Variants in MRPL19 observed in about 807,000 individuals in gnomAD.
MRPL19 encodes the protein large ribosomal subunit protein bL19m.
Under a neutral mutation model 34.0 loss-of-function variants are expected in MRPL19, and 31 were observed. The ratio of observed to expected loss-of-function variants is 0.91; its 90% confidence interval spans 0.68 to 1.23. The LOEUF is 1.23. MRPL19 is among the 50% of genes most tolerant of loss of function. The pLI is 0.00. For synonymous variants in MRPL19, 152 were observed against 127.7 expected (o/e 1.19, Z -1.28); for missense variants, 384 against 367.6 (o/e 1.04, Z -0.37).
rs59188431 is a variant in MRPL19, at chr2:75,658,897, G to A, written c.*3612G>A. ...CTTTTTCTATGTGTTCCATGTATTT[G>A]TGTCTTTGGAGCTATAGTCTCTTGT... On this transcript the variant is annotated 3_prime_UTR_variant, in exon 6 of 6. Transcript: ENST00000393909. Among the ~76,000 whole-genome samples the A allele has an allele frequency of 0.033, 4,958 of 151,808 alleles. 277 individuals carry two copies. Among genetic ancestry groups the A allele is most frequent in the African/African-American group, 0.11 (4,662 of 41,372 alleles).
chr2:75,654,361 C>T (rs1412411003), intron 4 of MRPL19, among the ~76,000 whole-genome samples: 1 of 152,152 alleles, frequency 6.6e-6, no homozygotes, highest in Non-Finnish European at 1.5e-5. Flanking sequence ...AGTCTTATTA[C>T]TCTTAACATG....
intron 4 of MRPL19, among the ~76,000 whole-genome samples, chr2:75,653,235 G>A (rs1372783071): frequency 6.6e-6 from 1 of 152,186 alleles, no homozygotes; most frequent in Non-Finnish European, 1.5e-5. Flanking sequence ...GCTTCATGAA[G>A]TTCCAACAAC....
intron 1 of MRPL19, 60 bp downstream of exon 1, chr2:75,646,970 A>T: frequency 2.0e-6 from 3 of 1,496,576 alleles, no homozygotes; most frequent in Non-Finnish European, 2.7e-6. Flanking sequence ...AGGATGGGGG[A>T]GGCGAACCTG....
intron 2 of MRPL19, among the ~76,000 whole-genome samples, chr2:75,648,145 AT>A (rs958988057): frequency 5.9e-5 from 9 of 152,156 alleles, no homozygotes; most frequent in African/African-American, 2.2e-4. Context: ...ATATTTCTTC[AT>A]AAAACTTTGC....
Position 75,655,226 on chromosome 2 carries a change from G to T in MRPL19, c.820G>T (p.Asp274Tyr). Residue 274 changes from aspartate to tyrosine, a missense_variant, in exon 6 of 6, where the codon GAT (aspartate) becomes TAT (tyrosine). Coordinates refer to ENST00000393909, the MANE Select transcript of MRPL19 (RefSeq NM_014763.4). ...TGAATTTGATATGATGAGGGAATAT[G>T]ATACTTCAAAAATTGAAGCTGCAAT... ...WLEFDMMREY[D>Y]TSKIEAAIWK... The T allele has an allele frequency of 6.2e-7, 1 of 1,613,276 alleles. No homozygotes were observed. Among genetic ancestry groups the T allele is most frequent in the Non-Finnish European group, 8.5e-7 (1 of 1,179,710 alleles).
chr2:75,647,458 A>G (rs1008858923), intron 2 of MRPL19: 2 of 515,504 alleles, frequency 3.9e-6, no homozygotes, highest in Non-Finnish European at 6.8e-6. Context: ...CCCATATTTT[A>G]AACTCTTTTC....
chr2:75,651,303 T>C (rs771165788), intron 2 of MRPL19: 98 of 518,988 alleles, frequency 1.9e-4, no homozygotes, highest in Middle Eastern at 3.8e-4. Flanking sequence ...TGTCTCTGGA[T>C]TTGTAGGTCT....
At position 75,656,171 on chromosome 2, in the gene MRPL19, C is replaced by G. The variant is rs1261569250; in HGVS notation, c.*886C>G. ...TGCTCACAGCATGATGAATCAAACT[C>G]TGTATCTTAGGATTAGGTTAAAACA... On this transcript the variant is annotated 3_prime_UTR_variant, in exon 6 of 6. Coordinates refer to ENST00000393909, the MANE Select transcript of MRPL19 (RefSeq NM_014763.4). The G allele has an allele frequency of 6.6e-6, 1 of 152,142 alleles. No homozygotes were observed. Among genetic ancestry groups the G allele is most frequent in the Non-Finnish European group, 1.5e-5 (1 of 68,026 alleles). The allele number at this position is 152,142 out of a possible 1,614,324, so 9.4% of individuals were successfully genotyped here.
chr2:75,653,468 C>T (rs1322255946), intron 4 of MRPL19, among the ~76,000 whole-genome samples: 1 of 152,164 alleles, frequency 6.6e-6, no homozygotes, highest in Non-Finnish European at 1.5e-5. Context: ...AGTTTCTACT[C>T]TACATGGTTC....
At chr2:75,651,281 G>A (rs986364342) in intron 2 of MRPL19, 55 of 507,804 alleles carry the variant, frequency 1.1e-4, no homozygotes, top group Non-Finnish European at 1.8e-4. Flanking sequence ...GGGACACGAT[G>A]TGCTGCAGCT....
chr2:75,647,190 C>A lies in MRPL19; in HGVS notation c.192C>A (p.Asp64Glu), dbSNP rs1215436159. 3 of 1,581,092 alleles carry A rather than the reference C, an allele frequency of 1.9e-6. No homozygotes were observed. Among genetic ancestry groups the A allele is most frequent in the Non-Finnish European group, 2.6e-6 (3 of 1,163,154 alleles). Reference protein sequence around the residue: ...FQPPPKPVIVDKHRPVEPERR... With the variant: ...FQPPPKPVIVEKHRPVEPERR... Reference sequence around the variant, plus strand: ...CGCCGCCGAAACCGGTCATCGTGGACAAGCACCGCCCCGTGGAACCGGAAC... The same window carrying A: ...CGCCGCCGAAACCGGTCATCGTGGAAAAGCACCGCCCCGTGGAACCGGAAC... The change falls in exon 2 of 6, where the codon GAC becomes GAA. Residue 64 changes from aspartate (D) to glutamate (E), a missense_variant. Physicochemically the swap from Asp to Glu is conservative, Grantham distance 45 (BLOSUM62 2). Transcript: ENST00000393909.
intron 4 of MRPL19, 125 bp from the exon 5 acceptor site, chr2:75,654,611 T>A: frequency 1.3e-6 from 1 of 760,460 alleles, no homozygotes; most frequent in Non-Finnish European, 2.0e-6. Context: ...AATTTCAAAT[T>A]AACGGCACAT....
At chr2:75,652,318 G>A (rs945191422) in intron 3 of MRPL19, 58 bp downstream of exon 3, 5 of 1,364,586 alleles carry the variant, frequency 3.7e-6, no homozygotes, top group Non-Finnish European at 5.1e-6. Context: ...TTTGTGATTG[G>A]ATGGTTAGTT....
rs1678409651 is a variant in MRPL19, at chr2:75,654,917, G to C, written c.657G>C (p.Glu219Asp). The change falls in exon 5 of 6, where the codon GAG becomes GAC. Residue 219 changes from glutamate to aspartate, a missense_variant and splice_region_variant. Glu to Asp is a conservative substitution (Grantham distance 45). Transcript: ENST00000393909. Reference sequence around the variant, plus strand: ...CTAACCAAAAAGTTCCTGTTAATGAGGTATGGGTTATACATTTGAAACTAG... The same window carrying C: ...CTAACCAAAAAGTTCCTGTTAATGACGTATGGGTTATACATTTGAAACTAG... ...QEPNQKVPVN[E>D]LKVKMKPKPW... 2 of 1,608,066 alleles carry C rather than the reference G, an allele frequency of 1.2e-6. No homozygotes were observed. Among genetic ancestry groups the C allele is most frequent in the East Asian group, 2.2e-5 (1 of 44,818 alleles).
In MRPL19 at chr2:75,647,191, A is replaced by G; in HGVS notation, c.193A>G (p.Lys65Glu). The change falls in exon 2 of 6, where the codon AAG (lysine) becomes GAG (glutamate). Residue 65 changes from lysine (K) to glutamate (E), a missense_variant. Physicochemically the swap from Lys to Glu is moderately conservative, Grantham distance 56. Transcript: ENST00000393909. Reference protein sequence around the residue: ...QPPPKPVIVDKHRPVEPERRF... With the variant: ...QPPPKPVIVDEHRPVEPERRF... The stretch of plus-strand genomic sequence containing the variant: ...GCCGCCGAAACCGGTCATCGTGGAC[A>G]AGCACCGCCCCGTGGAACCGGAACG... 6.3e-7 allele frequency: 1 copy of G among 1,581,358 alleles called. No individual in the cohort carries two copies. The highest frequency in any genetic ancestry group is 8.6e-7 in the Non-Finnish European group (1 of 1,163,296).
intron 2 of MRPL19, among the ~76,000 whole-genome samples, chr2:75,649,092 C>T (rs1421911182): frequency 2.0e-5 from 3 of 152,130 alleles, no homozygotes; most frequent in Admixed American, 1.3e-4. Context: ...ATTATTTAAC[C>T]TTAGTCTAGG....
At position 75,654,614 on chromosome 2, in the gene MRPL19, C is replaced by T. The variant is rs1196415203; in HGVS notation, c.476-122C>T. On this transcript the variant is annotated intron_variant, in intron 4 of 5. Coordinates refer to ENST00000393909, the MANE Select transcript of MRPL19 (RefSeq NM_014763.4). ...CTTTATCTTAAAAATTTCAAATTAA[C>T]GGCACATTTTCTACATGCAAAACTT... The T allele has an allele frequency of 3.5e-5, 27 of 762,044 alleles. No individual in the cohort carries two copies. The Middle Eastern group carries it at 7.8e-4, about 22-fold the overall frequency. The allele number at this position is 762,044 out of a possible 1,614,324, so 47.2% of individuals were successfully genotyped here.
intron 2 of MRPL19, 63 bp downstream of exon 2, chr2:75,647,282 G>T: frequency 6.8e-7 from 1 of 1,477,332 alleles, no homozygotes; most frequent in Non-Finnish European, 9.2e-7. Context: ...GCGCGTTCGC[G>T]TTCGAGGTCC....
rs745889758 is a variant in MRPL19, at chr2:75,652,203, G to GAAAGA, written c.289_293dup (p.Asp98GlufsTer5). On this transcript the variant is annotated frameshift_variant, in exon 3 of 6. Transcript: ENST00000393909. LOFTEE classifies it high-confidence loss of function. ...AACAGATCCTCTGAAATTTCAAATA[G>GAAAGA]AAAGAAAAGATATGTTAGAAAGGAG... is the stretch of plus-strand genomic sequence containing the variant. The GAAAGA allele has an allele frequency of 1.9e-6, 3 of 1,607,480 alleles. No homozygotes were observed. In the Middle Eastern group the frequency reaches 5.2e-4, roughly 276 times the overall value.
Sources: allele counts gnomAD v4.1 joint callset (sites outside exome capture counted in the v4.1 genomes callset), GRCh38; gene constraint gnomAD v4.1.1; transcripts MANE v1.5; gene names NCBI Gene and HGNC (gene_info 2026-07-23, HGNC 2026-07-21).